SMARCA4: variants seen among roughly 807,000 people sequenced by gnomAD.
The protein encoded by SMARCA4 is SWI/SNF related BAF chromatin remodeling complex subunit ATPase 4, also known as SWI/SNF-related matrix-associated actin-dependent regulator of chromatin subfamily A member 4.
Under a neutral mutation model 193.9 loss-of-function variants are expected in SMARCA4, and 31 were observed. The observed-to-expected ratio is 0.16, with a 90% CI of 0.12 to 0.22. SMARCA4 has a LOEUF of 0.22. Among genes scored for constraint, SMARCA4 ranks in the 10% least tolerant of loss-of-function variants. SMARCA4 has a pLI of 1.00. For missense variants in SMARCA4, 1,148 were observed against 2,296.0 expected, an observed-to-expected ratio of 0.50 and a Z score of 10.22; for synonymous variants, 942 against 933.1, an observed-to-expected ratio of 1.01 and a Z score of -0.17.
chr19:11,006,444 T>C (rs1403521114), intron 13 of SMARCA4, among the ~76,000 whole-genome samples: 3 of 152,158 alleles, frequency 2.0e-5, no homozygotes, highest in Non-Finnish European at 2.9e-5. Context: ...CAATAAATAT[T>C]GAAAGTTGGT....
chr19:11,060,758 A>G (rs537256431), intron 34 of SMARCA4, among the ~76,000 whole-genome samples: 1 of 152,314 alleles, frequency 6.6e-6, no homozygotes, highest in Non-Finnish European at 1.5e-5. Context: ...TATGCAAAGC[A>G]AGGAGGCTGC....
intron 11 of SMARCA4, among the ~76,000 whole-genome samples, chr19:10,997,778 T>C (rs2087221743): frequency 6.6e-6 from 1 of 152,124 alleles, no homozygotes; most frequent in East Asian, 1.9e-4. Flanking sequence ...TCACCTGTGT[T>C]TTTTCCTAAA....
rs781758884 is a variant in SMARCA4, at chr19:10,986,451, C to G, written c.618C>G (p.Gly206=). Residue 206 remains glycine, a synonymous_variant, in exon 4 of 35, where the codon GGC becomes GGG. Coordinates refer to ENST00000344626, the MANE Select transcript of SMARCA4 (RefSeq NM_003072.5). This position sits in a 1 kb window ranked among gnomAD's most constrained non-coding sequence, Gnocchi z 6.7. ...LPDHLQMAVQ[G]KRPMPGMQQQ... The stretch of plus-strand genomic sequence containing the variant: ...ACCACCTGCAGATGGCGGTGCAGGG[C>G]AAGCGGCCGATGCCCGGGATGCAGC... 6.4e-7 allele frequency: 1 copy of G among 1,562,270 alleles called. No homozygotes were observed. Among genetic ancestry groups the G allele is most frequent in the Admixed American group, 1.9e-5 (1 of 51,992 alleles).
In SMARCA4 at chr19:11,053,355, G is replaced by A. The variant is rs566437248; in HGVS notation, c.4425-4900G>A. Among the ~76,000 whole-genome samples the A allele has an allele frequency of 5.9e-5, 9 of 151,400 alleles. No individual in the cohort carries two copies. The East Asian group carries it at 1.6e-3, about 26-fold the overall frequency. ...GTAAGTTAGCCGGGCATGGTGGTGG[G>A]TGCCTGTAATCCCAGCTACTCGGGA... On this transcript the variant is annotated intron_variant, in intron 30 of 34. Transcript: ENST00000344626.
chr19:11,024,761 C>T (rs964310211), intron 21 of SMARCA4, among the ~76,000 whole-genome samples: 2 of 152,146 alleles, frequency 1.3e-5, no homozygotes, highest in African/African-American at 2.4e-5. Flanking sequence ...GGGCTGTCTC[C>T]TGCAGGGGCT....
In SMARCA4 at chr19:11,033,605, A is replaced by T. The variant is rs1034340523; in HGVS notation, c.3774+88A>T. ...ATTTTTGTTTTTTTACCTTTTTTGCACTCTTATTTTTTTTGCATCCCTTTG... is the reference window on the plus strand; with the variant it reads ...ATTTTTGTTTTTTTACCTTTTTTGCTCTCTTATTTTTTTTGCATCCCTTTG... On this transcript the variant is annotated intron_variant, in intron 26 of 34. Transcript: ENST00000344626. The surrounding 1 kb of genome is among the most constrained non-coding windows in gnomAD (Gnocchi z 9.8). 17 of 1,022,932 alleles carry T rather than the reference A, an allele frequency of 1.7e-5. No homozygotes were observed. The highest frequency in any genetic ancestry group is 2.0e-5 in the Non-Finnish European group (13 of 649,114). 63.4% of individuals were successfully genotyped at this position (1,022,932 alleles called of 1,614,324 possible).
At chr19:11,059,019 A>G (rs2076706247) in intron 32 of SMARCA4, 130 bp downstream of exon 32, 1 of 748,814 alleles carries the variant, frequency 1.3e-6, no homozygotes, top group Non-Finnish European at 2.3e-6. Flanking sequence ...TCGTGCCTGT[A>G]ATCCCAGCAC....
In SMARCA4 at chr19:10,987,144, C is replaced by T; in HGVS notation, c.859+141C>T. The T allele has an allele frequency of 1.5e-6, 1 of 688,484 alleles. No homozygotes were observed. The highest frequency in any genetic ancestry group is 2.6e-6 in the Non-Finnish European group (1 of 381,812). 42.6% of individuals were successfully genotyped at this position (688,484 alleles called of 1,614,324 possible). On this transcript the variant is annotated intron_variant, in intron 5 of 34. Coordinates refer to ENST00000344626, the MANE Select transcript of SMARCA4 (RefSeq NM_003072.5). This position sits in a 1 kb window ranked among gnomAD's most constrained non-coding sequence, Gnocchi z 5.3. ...AGCCTGTACTTTTCTTGTGGTGGTC[C>T]CCGGGTCTCCCCTGTAGCCAGTCAG...
At chr19:10,967,372 A>G (rs761789314) in intron 1 of SMARCA4, among the ~76,000 whole-genome samples, 1 of 151,616 alleles carries the variant, frequency 6.6e-6, no homozygotes, top group Non-Finnish European at 1.5e-5. Flanking sequence ...GTGCAGTGGC[A>G]CGATCTCAGC....
chr19:11,043,711 C>G (rs2075745724), intron 30 of SMARCA4, among the ~76,000 whole-genome samples: 1 of 151,948 alleles, frequency 6.6e-6, no homozygotes, highest in African/African-American at 2.4e-5. Flanking sequence ...GGTATAGTGG[C>G]TCGTGTAATC....
chr19:11,008,214 C>A, intron 14 of SMARCA4, 191 bp downstream of exon 14: 1 of 596,736 alleles, frequency 1.7e-6, no homozygotes, highest in Non-Finnish European at 3.1e-6. Context: ...AGAGCAATTG[C>A]ATTCGCATGG....
Position 10,996,416 on chromosome 19 carries a change from G to C in SMARCA4, c.1761+36G>C, listed in dbSNP as rs1418816866. On this transcript the variant is annotated intron_variant, in intron 10 of 34. Transcript: ENST00000344626. Reference sequence around the variant, plus strand: ...CCTGGCATGGTGCCCGCCGCGGGTGGGATGGGAGCAGCCGTCTTCACGTGT... The same window carrying C: ...CCTGGCATGGTGCCCGCCGCGGGTGCGATGGGAGCAGCCGTCTTCACGTGT... 4 of 1,613,914 alleles carry C rather than the reference G, an allele frequency of 2.5e-6. No homozygotes were observed. In the South Asian group the frequency reaches 4.4e-5, roughly 18 times the overall value.
At chr19:11,007,840 G>A (rs2146186808) in intron 13 of SMARCA4, 62 bp from the exon 14 acceptor site, 1 of 1,595,208 alleles carries the variant, frequency 6.3e-7, no homozygotes, top group Non-Finnish European at 8.6e-7. Context: ...TTCTCCCCAT[G>A]GGAGTCCCGT....
rs1196003597 is a variant in SMARCA4, at chr19:10,985,204, C to A, written c.223-69C>A. ...TCGGTGCCCTCGAGCTTCTCTCGGGCAGCGCATAGCTGCGCTGCCACCTCA... is the reference window on the plus strand; with the variant it reads ...TCGGTGCCCTCGAGCTTCTCTCGGGAAGCGCATAGCTGCGCTGCCACCTCA... On this transcript the variant is annotated intron_variant, in intron 2 of 34. Transcript: ENST00000344626. This position sits in a 1 kb window ranked among gnomAD's most constrained non-coding sequence, Gnocchi z 4.5. 1.5e-5 allele frequency: 23 copies of A among 1,559,342 alleles called. No individual in the cohort carries two copies. Among genetic ancestry groups the A allele is most frequent in the Non-Finnish European group, 2.0e-5 (23 of 1,132,234 alleles).
At chr19:11,011,347 C>G (rs2088827072) in intron 15 of SMARCA4, 1 of 152,320 alleles carries the variant, frequency 6.6e-6, no homozygotes, top group South Asian at 2.1e-4. Flanking sequence ...GCCTCAGACT[C>G]CTGAGTAGCT....
chr19:10,994,025 C>T (rs1006216655), intron 8 of SMARCA4, among the ~76,000 whole-genome samples: 1 of 151,830 alleles, frequency 6.6e-6, no homozygotes, highest in Non-Finnish European at 1.5e-5. Flanking sequence ...ATAATAGTCT[C>T]GTTTTTATTT....
At chr19:10,988,124 C>CTT (rs201897931) in intron 6 of SMARCA4, among the ~76,000 whole-genome samples, 200 bp downstream of exon 6, 1 of 146,394 alleles carries the variant, frequency 6.8e-6, no homozygotes, top group Non-Finnish European at 1.5e-5. Context: ...AGTTCTCTCT[C>CTT]TTTTTTTTTT....
intron 30 of SMARCA4, among the ~76,000 whole-genome samples, chr19:11,044,679 T>C (rs2075800905): frequency 6.6e-6 from 1 of 152,076 alleles, no homozygotes; most frequent in Admixed American, 6.6e-5. Context: ...CGTGTAGGAG[T>C]ATGCAGCTCT....
Position 11,035,214 on chromosome 19 carries a change from C to G in SMARCA4, c.4170+82C>G, listed in dbSNP as rs1180475499. On this transcript the variant is annotated intron_variant, in intron 29 of 34. Transcript: ENST00000344626. ...AGACAAAGGGCCCACCGCCAGGACT[C>G]AGGCCTGGGTCCAAAATGCTTTCCT... 3.8e-5 allele frequency: 50 copies of G among 1,316,350 alleles called. No homozygotes were observed. In the South Asian group the frequency reaches 5.3e-4, roughly 14 times the overall value. 81.5% of individuals were successfully genotyped at this position (1,316,350 alleles called of 1,614,324 possible). A position where few individuals can be genotyped will look rare whatever the true frequency, so the allele number is the denominator to read the frequency against.
Sources: gnomAD v4.1 joint callset for allele counts (sites outside exome capture counted in the v4.1 genomes callset) on GRCh38, gnomAD v4.1.1 for gene constraint, Gnocchi (gnomAD v3.1) non-coding constraint, MANE v1.5 for transcripts, NCBI Gene and HGNC (gene_info 2026-07-23, HGNC 2026-07-21) for gene names.